The following CLDN10 variants were observed in gnomAD, a reference collection of about 807,000 sequenced individuals.
The protein encoded by CLDN10 is claudin 10.
CLDN10 carries 15 observed loss-of-function variants against 22.9 expected under a neutral mutation model. The ratio of observed to expected loss-of-function variants is 0.65; its 90% CI spans 0.44 to 1.01. The LOEUF is 1.01. Ranked by LOEUF, CLDN10 falls within the 50% of genes least tolerant of loss-of-function variation. CLDN10 has a pLI of 0.00. For synonymous variants in CLDN10, 114 were observed against 111.4 expected (o/e 1.02, Z -0.15); for missense variants, 247 against 287.8 (o/e 0.86, Z 1.03).
At chr13:95,548,302 A>C (rs887551904), upstream of CLDN10, among the ~76,000 whole-genome samples, 1 of 152,180 alleles carries the variant, frequency 6.6e-6, no homozygotes, top group Non-Finnish European at 1.5e-5. Flanking sequence ...GCTCAAGAGG[A>C]GTCTACTAAG....
intron 1 of CLDN10, among the ~76,000 whole-genome samples, chr13:95,530,256 A>T (rs1323481096): frequency 6.6e-6 from 1 of 152,216 alleles, no homozygotes. Flanking sequence ...TTTCCCATGC[A>T]CTGAAAGCCC....
intron 1 of CLDN10, among the ~76,000 whole-genome samples, chr13:95,486,976 T>A (rs1187853378): frequency 1.3e-5 from 2 of 152,142 alleles, no homozygotes; most frequent in African/African-American, 4.8e-5. Context: ...AAGTGGAGAT[T>A]TTGCTGTTGT....
chr13:95,436,254 G>T (rs971574437), intron 1 of CLDN10, among the ~76,000 whole-genome samples: 14 of 152,158 alleles, frequency 9.2e-5, no homozygotes, highest in African/African-American at 3.4e-4. Context: ...TACAATCTCA[G>T]TTCACTGCAA....
intron 1 of CLDN10, among the ~76,000 whole-genome samples, chr13:95,449,180 G>A (rs2042409534): frequency 6.6e-6 from 1 of 152,084 alleles, no homozygotes; most frequent in Admixed American, 6.5e-5. Context: ...ATGTCCTGTT[G>A]GAATCCCAGG....
At chr13:95,475,672 A>G (rs2042678383) in intron 1 of CLDN10, among the ~76,000 whole-genome samples, 1 of 151,824 alleles carries the variant, frequency 6.6e-6, no homozygotes. Context: ...CTCCATTCCC[A>G]CCTCATCCTC....
rs56803433 is a variant in CLDN10 at position 95,448,595 on chromosome 13, C to A, written c.214+14548C>A. ...ACCCACACCATGCTCAGAAGTCATT[C>A]ATATTGGGGCAGGGGTCAGCACAGA... On this transcript the variant is annotated intron_variant, in intron 1 of 4. Transcript: ENST00000376873. Among the ~76,000 whole-genome samples, 374 of 152,280 alleles carry A rather than the reference C, an allele frequency of 2.5e-3. 1 individual carries two copies. Among genetic ancestry groups the A allele is most frequent in the African/African-American group, 8.7e-3 (360 of 41,556 alleles).
At chr13:95,531,011 C>T (rs918396798) in intron 1 of CLDN10, among the ~76,000 whole-genome samples, 17 of 151,904 alleles carry the variant, frequency 1.1e-4, no homozygotes, top group African/African-American at 4.1e-4. Flanking sequence ...CTCAGCCTCC[C>T]GGGTTCAAGC....
chr13:95,506,434 G>C (rs762440669), intron 1 of CLDN10, among the ~76,000 whole-genome samples: 3 of 152,166 alleles, frequency 2.0e-5, no homozygotes, highest in Non-Finnish European at 4.4e-5. Context: ...CAAAAGGAAA[G>C]GTATCTCCAT....
At chr13:95,434,090 T>C (rs766371450) in intron 1 of CLDN10, 5 of 1,553,004 alleles carry the variant, frequency 3.2e-6, no homozygotes, top group Non-Finnish European at 4.4e-6. Flanking sequence ...AAAATGTACT[T>C]TTCCCCCCGA....
At chr13:95,560,321 G>A in intron 2 of CLDN10, 28 bp downstream of exon 2, 1 of 1,613,472 alleles carries the variant, frequency 6.2e-7, no homozygotes, top group Non-Finnish European at 8.5e-7. Flanking sequence ...TCCAAACAAG[G>A]TACTTGATGA....
exon 1 of CLDN10, chr13:95,433,929 G>T (rs777098814): frequency 2.0e-5 from 33 of 1,614,074 alleles, no homozygotes; most frequent in Admixed American, 3.3e-5. Context: ...AAGTGACCAC[G>T]CGAGCCTCCT....
At chr13:95,461,997 G>T (rs1164638355) in intron 1 of CLDN10, among the ~76,000 whole-genome samples, 1 of 152,194 alleles carries the variant, frequency 6.6e-6, no homozygotes, top group Non-Finnish European at 1.5e-5. Flanking sequence ...TCAGGAGGCT[G>T]AGGTGGGAAG....
intron 1 of CLDN10, among the ~76,000 whole-genome samples, chr13:95,528,160 T>G (rs9516598): frequency 0.96 from 146,487 of 152,252 alleles, 70,720 homozygotes; most frequent in East Asian, 1. Context: ...ATCTTGAATT[T>G]TGGCTCCCAT....
intron 1 of CLDN10, among the ~76,000 whole-genome samples, chr13:95,456,377 C>T (rs971135835): frequency 5.3e-5 from 8 of 152,178 alleles, no homozygotes; most frequent in Non-Finnish European, 1.0e-4. Flanking sequence ...TCCTATTCCA[C>T]CCCACTTTTC....
intron 3 of CLDN10, among the ~76,000 whole-genome samples, chr13:95,566,528 G>A (rs2043789950): frequency 6.6e-6 from 1 of 152,140 alleles, no homozygotes; most frequent in South Asian, 2.1e-4. Flanking sequence ...TTAGCCCTTT[G>A]TCAGATGGGT....
intron 1 of CLDN10, among the ~76,000 whole-genome samples, chr13:95,455,585 T>C (rs971748893): frequency 6.6e-6 from 1 of 152,402 alleles, no homozygotes; most frequent in Non-Finnish European, 1.5e-5. Flanking sequence ...AGTTCATTTG[T>C]TGGGTGAATG....
chr13:95,548,582 T>G (rs1260584962), upstream of CLDN10, among the ~76,000 whole-genome samples: 1 of 152,232 alleles, frequency 6.6e-6, no homozygotes, highest in Non-Finnish European at 1.5e-5. Context: ...GCTTTCATGC[T>G]AAGTAGATTA....
chr13:95,501,117 G>A (rs527874247), intron 1 of CLDN10, among the ~76,000 whole-genome samples: 17 of 151,922 alleles, frequency 1.1e-4, no homozygotes, highest in Non-Finnish European at 2.1e-4. Flanking sequence ...GGGTTTAAGC[G>A]ATTCTCCTGC....
In CLDN10 at chr13:95,552,732, G is replaced by C. The variant is rs780592692; in HGVS notation, c.-22G>C. On this transcript the variant is annotated 5_prime_UTR_variant, in exon 1 of 5. Coordinates refer to ENST00000299339, the MANE Select transcript of CLDN10 (RefSeq NM_006984.5). ...CGGCGCAGAGTGGGAGCCGGAGAGC[G>C]AGCGCGGCTGCAGCCGGCGGCATGG... The C allele has an allele frequency of 1.2e-6, 2 of 1,600,148 alleles. No homozygotes were observed. The highest frequency in any genetic ancestry group is 2.3e-5 in the East Asian group (1 of 44,232).
Sources: allele counts gnomAD v4.1 joint callset (sites outside exome capture counted in the v4.1 genomes callset), GRCh38; gene constraint gnomAD v4.1.1; transcripts MANE v1.5; gene names NCBI Gene and HGNC (gene_info 2026-07-23, HGNC 2026-07-21).